EPG5: variants seen among roughly 807,000 people sequenced by gnomAD.
EPG5 encodes the protein ectopic P-granules 5 autophagy tethering factor.
A neutral mutation model predicts 302.7 loss-of-function variants in EPG5; 159 were observed. That is an observed-to-expected ratio of 0.53 (90% CI 0.46 to 0.60). EPG5 has a LOEUF of 0.60. EPG5 is among the 20% of genes least tolerant of loss of function. EPG5 has a pLI of 0.00. For missense variants in EPG5, 2,896 were observed against 3,092.4 expected, an observed-to-expected ratio of 0.94 and a Z score of 1.51; for synonymous variants, 1,158 against 1,136.8, an observed-to-expected ratio of 1.02 and a Z score of -0.37.
At chr18:45,811,922 TC>T in the EPG5 span, among the ~76,000 whole-genome samples, 18 of 152,192 alleles carry the variant, frequency 1.2e-4, no homozygotes, top group Admixed American at 6.5e-4. Flanking sequence ...GCCAGGGCAA[TC>T]AGGCAGGAGA....
rs2048396335 is a variant in EPG5 at position 45,849,430 on chromosome 18, C to T, written c.*3037G>A. The T allele has an allele frequency of 6.6e-6, 1 of 152,356 alleles. No individual in the cohort carries two copies. The highest frequency in any genetic ancestry group is 6.5e-5 in the Admixed American group (1 of 15,302). The allele number at this position is 152,356 out of a possible 1,614,324, so 9.4% of individuals were successfully genotyped here. ...AGGGGCACTAGATGAACGTGAATGA[C>T]CCTTCTGACTGTAAAAGTCTACGAT... On this transcript the variant is annotated 3_prime_UTR_variant, in exon 44 of 44. Coordinates refer to ENST00000282041, the MANE Select transcript of EPG5 (RefSeq NM_020964.3).
At chr18:45,904,297 G>A (rs900628452) in intron 24 of EPG5, among the ~76,000 whole-genome samples, 180 bp from the exon 25 acceptor site, 1 of 152,116 alleles carries the variant, frequency 6.6e-6, no homozygotes, top group African/African-American at 2.4e-5. Flanking sequence ...TGCAGTAGCT[G>A]TAAAACTTTT....
chr18:45,927,596 A>G (rs1035884371), intron 13 of EPG5, among the ~76,000 whole-genome samples: 3,310 of 113,694 alleles, frequency 0.029, 130 homozygotes, highest in African/African-American at 0.11. Context: ...AAAGTTATAC[A>G]CACACACACA....
rs1214126005 is a variant in EPG5, at chr18:45,915,525, C to T, written c.3679G>A (p.Ala1227Thr). ...NITPSFVEGL[A>T]TPTQVWFAWT... is the part of the protein sequence containing the mutation. ...GAGTTTCCTACCTGAGTGGGCGTGG[C>T]CAAGCCCTCCACAAAGGAAGGAGTG... Residue 1227 changes from alanine to threonine, a missense_variant, in exon 20 of 44, where the codon GCC becomes ACC. Around this residue, in one of 5 missense-constraint regions of EPG5, gnomAD observed 64 missense variants for 101.8 expected, o/e 0.63. Transcript: ENST00000282041. 3 of 1,613,616 alleles carry T rather than the reference C, an allele frequency of 1.9e-6. No homozygotes were observed. Among genetic ancestry groups the T allele is most frequent in the Non-Finnish European group, 8.5e-7 (1 of 1,179,552 alleles).
intron 21 of EPG5, among the ~76,000 whole-genome samples, chr18:45,912,877 C>T (rs2049940075): frequency 1.3e-5 from 2 of 152,144 alleles, no homozygotes; most frequent in Non-Finnish European, 2.9e-5. Context: ...CACTTCAGGT[C>T]AAGAGTTCAA....
chr18:45,929,063 A>C (rs886332622), intron 12 of EPG5, 54 bp from the exon 13 acceptor site: 38 of 1,536,786 alleles, frequency 2.5e-5, no homozygotes, highest in Non-Finnish European at 3.4e-5. Flanking sequence ...ATTAGCAGTC[A>C]AAACACACTT....
chr18:45,955,543 G>A (rs2051009641), intron 1 of EPG5, among the ~76,000 whole-genome samples: 1 of 152,174 alleles, frequency 6.6e-6, no homozygotes, highest in Non-Finnish European at 1.5e-5. Flanking sequence ...TATTGAGCGT[G>A]TTAAATTTGG....
chr18:45,961,512 C>T (rs1049240083), intron 1 of EPG5, among the ~76,000 whole-genome samples: 1 of 152,122 alleles, frequency 6.6e-6, no homozygotes, highest in Non-Finnish European at 1.5e-5. Context: ...CCCCAATATC[C>T]ACATAGTGAA....
At chr18:45,807,648 C>T in the EPG5 span, among the ~76,000 whole-genome samples, 2 of 152,150 alleles carry the variant, frequency 1.3e-5, no homozygotes, top group Non-Finnish European at 2.9e-5. Context: ...TACAGCTCGG[C>T]TCTCAGGAAG....
intron 10 of EPG5, among the ~76,000 whole-genome samples, chr18:45,936,660 G>A (rs1457511896): frequency 1.3e-4 from 20 of 149,636 alleles, no homozygotes; most frequent in African/African-American, 4.4e-4. Context: ...CCTGGGAGGC[G>A]GAGGTTACAG....
At chr18:45,918,836 G>A (rs2050088938) in intron 16 of EPG5, among the ~76,000 whole-genome samples, 1 of 152,114 alleles carries the variant, frequency 6.6e-6, no homozygotes, top group African/African-American at 2.4e-5. Flanking sequence ...GCGAATACAG[G>A]GACAATGTCA....
intron 42 of EPG5, among the ~76,000 whole-genome samples, chr18:45,856,952 T>A (rs925759017): frequency 6.6e-6 from 1 of 152,134 alleles, no homozygotes; most frequent in African/African-American, 2.4e-5. Flanking sequence ...AGAGTCTTGC[T>A]CTGTTGGCCA....
chr18:45,842,048 G>T, the EPG5 span: 3 of 1,498,612 alleles, frequency 2.0e-6, no homozygotes, highest in Admixed American at 3.3e-5. Context: ...CATATAGTTT[G>T]GGCAGTTGTG....
chr18:45,923,965 T>C (rs2145769978), intron 14 of EPG5, among the ~76,000 whole-genome samples: 1 of 151,498 alleles, frequency 6.6e-6, no homozygotes, highest in Admixed American at 6.6e-5. Context: ...GAGGCAGAGG[T>C]TGCAGTGAGC....
In EPG5 at chr18:45,937,279, T is replaced by C. The variant is rs572035685; in HGVS notation, c.2100-2313A>G. 5.9e-3 allele frequency among the ~76,000 whole-genome samples: 752 copies of C among 127,734 alleles called. 7 individuals carry two copies. Among genetic ancestry groups the C allele is most frequent in the Middle Eastern group, 0.026 (7 of 266 alleles). 83.8% of individuals were successfully genotyped at this position (127,734 alleles called of 152,430 possible). ...ACACACACACACACACACACACACA[T>C]ATGTATACACACACATACACGTATA... On this transcript the variant is annotated intron_variant, in intron 10 of 43. Transcript: ENST00000282041.
intron 36 of EPG5, chr18:45,868,190 AC>A: frequency 2.2e-6 from 1 of 455,476 alleles, no homozygotes; most frequent in Non-Finnish European, 4.4e-6. Flanking sequence ...TGCTGGGCCT[AC>A]CCCTAGAGCT....
the EPG5 span, chr18:45,842,397 C>A: frequency 1.7e-6 from 1 of 581,344 alleles, no homozygotes; most frequent in Non-Finnish European, 3.1e-6. Context: ...GATATTTTTG[C>A]CAGCATTTCG....
rs9946802 is a variant in EPG5, at chr18:45,871,537, T to C, written c.6050-795A>G. Among the ~76,000 whole-genome samples the C allele has an allele frequency of 6.6e-3, 1,006 of 152,298 alleles. 9 individuals carry two copies. Among genetic ancestry groups the C allele is most frequent in the Middle Eastern group, 0.024 (7 of 294 alleles). On this transcript the variant is annotated intron_variant, in intron 35 of 43. Transcript: ENST00000282041. ...AGATATGGAAACAACCTAAGTGTCC[T>C]TCAAAAGATGAATGGATTTTTCTAA...
intron 10 of EPG5, among the ~76,000 whole-genome samples, chr18:45,939,251 C>T (rs1045497179): frequency 2.0e-5 from 3 of 152,182 alleles, no homozygotes; most frequent in Non-Finnish European, 4.4e-5. Flanking sequence ...ATGCTGCACA[C>T]CTACTGCGTC....
Sources: gnomAD v4.1 joint callset for allele counts (sites outside exome capture counted in the v4.1 genomes callset) on GRCh38, gnomAD v4.1.1 for gene constraint, gnomAD v4.1.1 regional missense constraint, MANE v1.5 for transcripts, NCBI Gene and HGNC (gene_info 2026-07-23, HGNC 2026-07-21) for gene names.